The following ESR1 variants were observed in gnomAD, a reference collection of about 807,000 sequenced individuals.
ESR1 encodes the protein estrogen receptor.
ESR1 carries 12 observed loss-of-function variants against 52.7 expected under a neutral mutation model. The observed-to-expected ratio is 0.23, with a 90% CI of 0.15 to 0.37. The LOEUF (loss-of-function observed/expected upper bound fraction) is 0.37, where lower values mean the gene tolerates loss of function less well. ESR1 is among the 10% of genes least tolerant of loss of function. ESR1 has a pLI of 1.00. For synonymous variants in ESR1, 305 were observed against 316.8 expected (o/e 0.96, Z 0.39); for missense variants, 584 against 779.7 (o/e 0.75, Z 2.99).
chr6:151,856,559 G>T (rs2128274863), intron 2 of ESR1, among the ~76,000 whole-genome samples: 1 of 151,848 alleles, frequency 6.6e-6, no homozygotes, highest in African/African-American at 2.4e-5. Flanking sequence ...GGAAGAAAAT[G>T]CTTTGGCCAG....
At chr6:152,051,258 C>T (rs1345421484) in intron 5 of ESR1, among the ~76,000 whole-genome samples, 1 of 152,150 alleles carries the variant, frequency 6.6e-6, no homozygotes, top group Non-Finnish European at 1.5e-5. Context: ...TTTCTGTGCC[C>T]TCAAGTTTTC....
chr6:152,019,137 C>G, intron 5 of ESR1, among the ~76,000 whole-genome samples: 1 of 152,122 alleles, frequency 6.6e-6, no homozygotes, highest in South Asian at 2.1e-4. Context: ...AGAAGTGAGC[C>G]AAACTGCCAT....
At chr6:151,935,940 A>G (rs932732123) in intron 3 of ESR1, among the ~76,000 whole-genome samples, 2 of 152,224 alleles carry the variant, frequency 1.3e-5, no homozygotes, top group Admixed American at 6.5e-5. Context: ...GAGATCAGTC[A>G]CATCAATCTG....
At chr6:151,740,831 AC>A (rs1273378616) in intron 2 of ESR1, among the ~76,000 whole-genome samples, 1 of 151,964 alleles carries the variant, frequency 6.6e-6, no homozygotes, top group Non-Finnish European at 1.5e-5. Context: ...TTCTCCTTAA[AC>A]CCTAGGATTT....
chr6:152,097,460 A>G (rs529965531), intron 7 of ESR1, among the ~76,000 whole-genome samples: 38 of 152,194 alleles, frequency 2.5e-4, no homozygotes, highest in African/African-American at 8.4e-4. Flanking sequence ...GGCCCTGAAT[A>G]GCTTTGATGT....
chr6:151,743,351 CT>C (rs1783240710), intron 2 of ESR1, among the ~76,000 whole-genome samples: 1 of 152,102 alleles, frequency 6.6e-6, no homozygotes, highest in Non-Finnish European at 1.5e-5. Flanking sequence ...CCTGATGTGC[CT>C]CAGCAATTTC....
intron 1 of ESR1, among the ~76,000 whole-genome samples, chr6:151,676,222 C>T (rs1031991655): frequency 6.6e-6 from 1 of 152,154 alleles, no homozygotes; most frequent in Non-Finnish European, 1.5e-5. Context: ...GTGCCCCTTC[C>T]AGTACCTTCC....
At chr6:151,830,487 T>C (rs916102364) in intron 1 of ESR1, among the ~76,000 whole-genome samples, 7 of 152,304 alleles carry the variant, frequency 4.6e-5, no homozygotes, top group Non-Finnish European at 1.0e-4. Context: ...AAAAAGAAGA[T>C]GTGGTGTCAA....
intron 3 of ESR1, among the ~76,000 whole-genome samples, chr6:151,894,792 T>C (rs1795214690): frequency 6.6e-6 from 1 of 152,190 alleles, no homozygotes; most frequent in Admixed American, 6.5e-5. Context: ...GACTATGGCC[T>C]TATAGTATAG....
chr6:151,727,394 G>T (rs1162952446), intron 2 of ESR1, among the ~76,000 whole-genome samples: 2 of 152,126 alleles, frequency 1.3e-5, no homozygotes, highest in East Asian at 3.9e-4. Flanking sequence ...TAGAGATGGG[G>T]TTTCCCCATG....
At chr6:151,783,439 C>G (rs910352991) in intron 2 of ESR1, among the ~76,000 whole-genome samples, 41 of 152,170 alleles carry the variant, frequency 2.7e-4, no homozygotes, top group African/African-American at 9.2e-4. Flanking sequence ...TTCATAAGCC[C>G]AGGTATAGAC....
At chr6:151,782,750 T>C (rs1786667187) in intron 2 of ESR1, among the ~76,000 whole-genome samples, 2 of 152,198 alleles carry the variant, frequency 1.3e-5, no homozygotes, top group Admixed American at 1.3e-4. Context: ...ATGAAGTGAA[T>C]GTGTGAATGG....
intron 4 of ESR1, among the ~76,000 whole-genome samples, chr6:151,995,258 C>G (rs1238606994): frequency 1.3e-5 from 2 of 152,166 alleles, no homozygotes; most frequent in African/African-American, 4.8e-5. Flanking sequence ...GACATGCTTG[C>G]CTGCTTGTTT....
At position 152,099,879 on chromosome 6, in the gene ESR1, C is replaced by T. The variant is rs2050901116; in HGVS notation, c.*913C>T. On this transcript the variant is annotated 3_prime_UTR_variant, in exon 8 of 8. Transcript: ENST00000206249. The stretch of plus-strand genomic sequence containing the variant: ...CTTGGATCTTCCCGGCGTGTGTGTG[C>T]CTTACACAGGGGTGAACTGTTCACT... 2.5e-6 allele frequency: 1 copy of T among 397,210 alleles called. No homozygotes were observed. Among genetic ancestry groups the T allele is most frequent in the Admixed American group, 4.4e-5 (1 of 22,706 alleles). The allele number at this position is 397,210 out of a possible 1,614,324, so 24.6% of individuals were successfully genotyped here.
intron 6 of ESR1, among the ~76,000 whole-genome samples, chr6:152,068,279 A>G (rs2048125432): frequency 6.6e-6 from 1 of 152,212 alleles, no homozygotes; most frequent in Admixed American, 6.5e-5. Flanking sequence ...TTGCTTCTGT[A>G]TTTAGTTGAG....
chr6:152,026,258 T>A (rs1205822721), intron 5 of ESR1, among the ~76,000 whole-genome samples: 2 of 152,060 alleles, frequency 1.3e-5, no homozygotes, highest in African/African-American at 2.4e-5. Context: ...AAACTAATGA[T>A]CCATTATCTG....
At chr6:151,774,310 T>C (rs1785770887) in intron 2 of ESR1, among the ~76,000 whole-genome samples, 1 of 152,214 alleles carries the variant, frequency 6.6e-6, no homozygotes, top group Non-Finnish European at 1.5e-5. Context: ...CAGAAAACAA[T>C]GGAGTTTGGG....
At chr6:151,990,467 C>A (rs1000878901) in intron 4 of ESR1, among the ~76,000 whole-genome samples, 1 of 152,068 alleles carries the variant, frequency 6.6e-6, no homozygotes, top group Non-Finnish European at 1.5e-5. Flanking sequence ...GCTGTGTAAT[C>A]CCTTGCAACC....
intron 2 of ESR1, among the ~76,000 whole-genome samples, chr6:151,753,825 C>T (rs1329966433): frequency 1.3e-5 from 2 of 152,206 alleles, no homozygotes; most frequent in African/African-American, 4.8e-5. Flanking sequence ...TCCCCAGCCT[C>T]CAGCTTCTCT....
Sources: gnomAD v4.1 joint callset for allele counts (sites outside exome capture counted in the v4.1 genomes callset) on GRCh38, gnomAD v4.1.1 for gene constraint, MANE v1.5 for transcripts, NCBI Gene and HGNC (gene_info 2026-07-23, HGNC 2026-07-21) for gene names.